Variants in LMO7 observed in about 807,000 individuals in gnomAD.
LMO7 encodes the protein LIM domain only protein 7.
Under a neutral mutation model 206.5 loss-of-function variants are expected in LMO7, and 120 were observed. The ratio of observed to expected loss-of-function variants is 0.58; its 90% CI spans 0.50 to 0.68. LMO7 has a LOEUF of 0.68. LMO7 is among the 30% of genes least tolerant of loss of function. LMO7 has a pLI of 0.00. For missense variants in LMO7, 1,959 were observed against 1,957.9 expected, an observed-to-expected ratio of 1.00 and a Z score of -0.01; for synonymous variants, 706 against 681.5, an observed-to-expected ratio of 1.04 and a Z score of -0.56.
At chr13:75,670,856 T>A (rs1323297793) in intron 1 of LMO7, among the ~76,000 whole-genome samples, 1 of 152,202 alleles carries the variant, frequency 6.6e-6, no homozygotes, top group Non-Finnish European at 1.5e-5. Context: ...TCCAATTTTT[T>A]AAACTTTTTG....
intron 1 of LMO7, among the ~76,000 whole-genome samples, chr13:75,706,080 C>A (rs1566330136): frequency 1.3e-5 from 2 of 152,152 alleles, no homozygotes; most frequent in Non-Finnish European, 2.9e-5. Context: ...TCATTTAATT[C>A]TCACCATAAC....
intron 1 of LMO7, among the ~76,000 whole-genome samples, chr13:75,690,694 T>C (rs907228916): frequency 6.6e-6 from 1 of 152,222 alleles, no homozygotes; most frequent in African/African-American, 2.4e-5. Flanking sequence ...AGTAAAACTT[T>C]ACTTATAAAA....
intron 2 of LMO7, among the ~76,000 whole-genome samples, chr13:75,713,635 G>T (rs2043297573): frequency 6.6e-6 from 1 of 152,082 alleles, no homozygotes; most frequent in South Asian, 2.1e-4. Flanking sequence ...CAAAATCTTT[G>T]CTTCATCAAT....
At chr13:75,637,672 A>G (rs759782818) in intron 1 of LMO7, among the ~76,000 whole-genome samples, 12 of 152,260 alleles carry the variant, frequency 7.9e-5, no homozygotes, top group Non-Finnish European at 1.5e-4. Flanking sequence ...AGGCTTAAAG[A>G]TTATTCCACG....
chr13:75,802,528 G>A (rs970949584), intron 7 of LMO7, among the ~76,000 whole-genome samples: 1 of 152,212 alleles, frequency 6.6e-6, no homozygotes. Flanking sequence ...GTGGGAATAT[G>A]CAGGCTTCAG....
chr13:75,838,589 G>T, intron 20 of LMO7: 1 of 196,112 alleles, frequency 5.1e-6, no homozygotes. Flanking sequence ...ACACCAACAT[G>T]CAATTGGCCA....
chr13:75,782,268 G>A (rs1031109073), intron 4 of LMO7, among the ~76,000 whole-genome samples: 17 of 152,174 alleles, frequency 1.1e-4, no homozygotes, highest in African/African-American at 3.9e-4. Context: ...TGTAGATGAG[G>A]ATTAAAAGGG....
At position 75,798,430 on chromosome 13, in the gene LMO7, T is replaced by C. The variant is rs532272227; in HGVS notation, c.462+1681T>C. On this transcript the variant is annotated intron_variant, in intron 6 of 30. Transcript: ENST00000377534. ...CTGTCTTTGTAGCCTTTGGTCCTTT[T>C]AATGACAGTCTGACTCAGGTTGAAT... Among the ~76,000 whole-genome samples the C allele has an allele frequency of 2.6e-5, 4 of 152,328 alleles. No individual in the cohort carries two copies. The East Asian group carries it at 7.7e-4, about 29-fold the overall frequency.
intron 1 of LMO7, among the ~76,000 whole-genome samples, chr13:75,691,754 C>G (rs1285793727): frequency 6.6e-6 from 1 of 152,164 alleles, no homozygotes; most frequent in African/African-American, 2.4e-5. Context: ...TATGCTTAAT[C>G]TCCTTTGGTT....
At chr13:75,731,816 G>A (rs1049218853) in intron 3 of LMO7, among the ~76,000 whole-genome samples, 1 of 152,046 alleles carries the variant, frequency 6.6e-6, no homozygotes, top group African/African-American at 2.4e-5. Flanking sequence ...CTCTTTTAGG[G>A]CAGGCCTGGT....
At chr13:75,794,636 C>A (rs557242484) in intron 4 of LMO7, among the ~76,000 whole-genome samples, 1 of 152,162 alleles carries the variant, frequency 6.6e-6, no homozygotes, top group Non-Finnish European at 1.5e-5. Flanking sequence ...TCACACCGAT[C>A]CTGCTTAAGT....
At chr13:75,735,208 C>T (rs560069) in intron 3 of LMO7, among the ~76,000 whole-genome samples, 77,002 of 151,216 alleles carry the variant, frequency 0.51, 21,273 homozygotes, top group African/African-American at 0.73. Flanking sequence ...TCCTGTACTT[C>T]TCTAAAAATC....
chr13:75,726,451 T>G (rs1445270492), intron 2 of LMO7, among the ~76,000 whole-genome samples: 1 of 151,926 alleles, frequency 6.6e-6, no homozygotes, highest in Non-Finnish European at 1.5e-5. Flanking sequence ...TTGGGGGAGT[T>G]CTGGTACATT....
Position 75,833,089 on chromosome 13 carries a change from G to A in LMO7, c.2988G>A (p.Thr996=), listed in dbSNP as rs1277081730. The stretch of plus-strand genomic sequence containing the variant: ...ATATGAGAATCAGCATAAACCAGAC[G>A]CCTGGGAAGAGTCTTGACTTTGGGT... The part of the protein sequence containing the change: ...FSDMRISINQ[T]PGKSLDFGFT... The change falls in exon 16 of 31, where the codon ACG becomes ACA. Residue 996 remains threonine (T), a synonymous_variant. Coordinates refer to ENST00000377534, the MANE Select transcript of LMO7 (RefSeq NM_001306080.2). 4.3e-6 allele frequency: 7 copies of A among 1,611,062 alleles called. No individual in the cohort carries two copies. Among genetic ancestry groups the A allele is most frequent in the African/African-American group, 2.7e-5 (2 of 74,806 alleles).
upstream of LMO7, among the ~76,000 whole-genome samples, chr13:75,632,862 G>GTTTTTTTTTTTTTT (rs10690832): frequency 1.3e-3 from 133 of 102,148 alleles, 13 homozygotes; most frequent in African/African-American, 2.9e-3. Context: ...TTACTTAAAA[G>GTTTTTTTTTTTTTT]TTTTTTTTTT....
At chr13:75,798,670 A>T (rs2054336634) in intron 6 of LMO7, among the ~76,000 whole-genome samples, 1 of 152,228 alleles carries the variant, frequency 6.6e-6, no homozygotes, top group Non-Finnish European at 1.5e-5. Context: ...CAATGTGTTC[A>T]TCAGGCATTT....
chr13:75,813,754 C>T (rs1566524187), intron 11 of LMO7, among the ~76,000 whole-genome samples: 2 of 152,218 alleles, frequency 1.3e-5, no homozygotes, highest in African/African-American at 2.4e-5. Flanking sequence ...GGGAAGACAC[C>T]TTAGCATTGC....
At chr13:75,777,909 T>C (rs989956778) in intron 4 of LMO7, among the ~76,000 whole-genome samples, 8 of 152,218 alleles carry the variant, frequency 5.3e-5, no homozygotes, top group Non-Finnish European at 7.4e-5. Context: ...CCTCCCAAAG[T>C]GCTGGGATTA....
chr13:75,843,417 C>G (rs2059709331), intron 25 of LMO7, among the ~76,000 whole-genome samples: 1 of 152,166 alleles, frequency 6.6e-6, no homozygotes, highest in Non-Finnish European at 1.5e-5. Context: ...AAGAACACTG[C>G]CTCTTTATGG....
Sources: allele counts gnomAD v4.1 joint callset (sites outside exome capture counted in the v4.1 genomes callset), GRCh38; gene constraint gnomAD v4.1.1; transcripts MANE v1.5; gene names NCBI Gene and HGNC (gene_info 2026-07-23, HGNC 2026-07-21).